The following RBM6 variants were observed in gnomAD, a reference collection of about 807,000 sequenced individuals.
The protein encoded by RBM6 is RNA-binding protein 6.
Under a neutral mutation model 140.4 loss-of-function variants are expected in RBM6, and 23 were observed. The observed-to-expected ratio is 0.16, with a 90% CI of 0.12 to 0.23. The LOEUF (loss-of-function observed/expected upper bound fraction) is 0.23, where lower values mean the gene tolerates loss of function less well. RBM6 is among the 10% of genes least tolerant of loss of function. The pLI is 1.00. For missense variants in RBM6, 1,139 were observed against 1,386.7 expected (o/e 0.82, Z 2.84); for synonymous variants, 439 against 475.6 (o/e 0.92, Z 1.00).
At chr3:50,040,905 C>T (rs2088881980) in intron 6 of RBM6, among the ~76,000 whole-genome samples, 1 of 152,090 alleles carries the variant, frequency 6.6e-6, no homozygotes, top group Admixed American at 6.6e-5. Context: ...TTGACCTCCC[C>T]AAATGCTGGG....
In RBM6 at chr3:50,009,176, G is replaced by A. The variant is rs76286335; in HGVS notation, c.1557+9663G>A. Among the ~76,000 whole-genome samples, 150 of 152,228 alleles carry A rather than the reference G, an allele frequency of 9.9e-4. 4 individuals are homozygous for A. In the East Asian group the frequency reaches 0.026, roughly 26 times the overall value. ...ATAGTGCTTTTGTTCAGGACCTCTC[G>A]GGATTTCTAGACAGACAGCAAGAGA... On this transcript the variant is annotated intron_variant, in intron 6 of 20. Transcript: ENST00000266022.
chr3:49,965,656 C>A (rs1400317285), intron 2 of RBM6, among the ~76,000 whole-genome samples: 2 of 149,548 alleles, frequency 1.3e-5, no homozygotes, highest in African/African-American at 4.9e-5. Flanking sequence ...GGCGACAGAG[C>A]GAGACTCCGT....
chr3:50,054,474 A>AT, intron 8 of RBM6, 79 bp downstream of exon 8: 1 of 1,254,980 alleles, frequency 8.0e-7, no homozygotes, highest in African/African-American at 1.5e-5. Context: ...GCTTTGAAGA[A>AT]TTATCATCCC....
In RBM6 at chr3:49,958,116, C is replaced by T. The variant is rs2084086796; in HGVS notation, c.-66-4460C>T. Among the ~76,000 whole-genome samples, 8 of 152,278 alleles carry T rather than the reference C, an allele frequency of 5.3e-5. No individual in the cohort carries two copies. The South Asian group carries it at 1.7e-3, about 32-fold the overall frequency. ...AGATCTTTATTTCTTCACATGGCTT[C>T]ACGTCTAGCTTTTAAAAATTCATTC... On this transcript the variant is annotated intron_variant, in intron 1 of 20. Coordinates refer to ENST00000266022, the MANE Select transcript of RBM6 (RefSeq NM_005777.3).
intron 4 of RBM6, among the ~76,000 whole-genome samples, chr3:49,972,852 G>C (rs1430570114): frequency 1.3e-5 from 2 of 152,184 alleles, no homozygotes; most frequent in South Asian, 4.1e-4. Context: ...GTAACTCGGA[G>C]ACAGAGTCTT....
At chr3:50,005,876 A>G (rs1485139285) in intron 6 of RBM6, among the ~76,000 whole-genome samples, 1 of 152,192 alleles carries the variant, frequency 6.6e-6, no homozygotes, top group Non-Finnish European at 1.5e-5. Context: ...AACATGGGGA[A>G]CTGCATTCTA....
intron 6 of RBM6, among the ~76,000 whole-genome samples, chr3:50,028,000 T>C (rs2087935958): frequency 1.3e-5 from 2 of 152,128 alleles, no homozygotes; most frequent in Non-Finnish European, 2.9e-5. Context: ...TGGAAGCCTT[T>C]GGATATTTGC....
intron 2 of RBM6, among the ~76,000 whole-genome samples, chr3:49,965,681 AAAG>A (rs1302657324): frequency 5.3e-5 from 8 of 151,946 alleles, no homozygotes; most frequent in East Asian, 1.9e-4. Flanking sequence ...AAAAAAAAAA[AAAG>A]AAGAACATCT....
chr3:50,063,675 C>T (rs1397392069), intron 15 of RBM6, among the ~76,000 whole-genome samples: 4 of 151,282 alleles, frequency 2.6e-5, no homozygotes, highest in East Asian at 2.0e-4. Flanking sequence ...CCAAGGCAGG[C>T]GGATTACTTT....
intron 1 of RBM6, among the ~76,000 whole-genome samples, chr3:49,941,257 A>G (rs2083269255): frequency 6.6e-6 from 1 of 152,208 alleles, no homozygotes; most frequent in African/African-American, 2.4e-5. Context: ...GGTGAAACAC[A>G]AAAGTTGAAT....
chr3:50,060,871 A>G, intron 11 of RBM6, 85 bp from the exon 12 acceptor site: 2 of 1,389,692 alleles, frequency 1.4e-6, no homozygotes, highest in Non-Finnish European at 1.9e-6. Flanking sequence ...GGAACAGAGG[A>G]TTTCTCGATA....
At chr3:49,995,372 G>A (rs1292091992) in intron 5 of RBM6, among the ~76,000 whole-genome samples, 2 of 151,960 alleles carry the variant, frequency 1.3e-5, no homozygotes, top group Non-Finnish European at 2.9e-5. Context: ...CCTGGCCAAC[G>A]TGGCGAAACT....
intron 16 of RBM6, 36 bp downstream of exon 16, chr3:50,065,162 G>C (rs1234760815): frequency 5.5e-5 from 85 of 1,533,434 alleles, no homozygotes; most frequent in Non-Finnish European, 7.6e-5. Context: ...CCTAGGGCTG[G>C]GGCTGGGGAT....
intron 17 of RBM6, 142 bp downstream of exon 17, chr3:50,066,644 A>G: frequency 9.2e-7 from 1 of 1,087,738 alleles, no homozygotes; most frequent in Non-Finnish European, 1.3e-6. Context: ...TCTGGGCAAC[A>G]TGGTGAAACC....
chr3:50,000,743 T>C (rs980486250), intron 6 of RBM6, among the ~76,000 whole-genome samples: 1 of 152,166 alleles, frequency 6.6e-6, no homozygotes, highest in Non-Finnish European at 1.5e-5. Context: ...AAAAGAAGGC[T>C]CTGCCAGAGA....
chr3:50,022,279 AT>A (rs573185524), intron 6 of RBM6, among the ~76,000 whole-genome samples: 198 of 151,404 alleles, frequency 1.3e-3, no homozygotes, highest in Middle Eastern at 7.0e-3. Flanking sequence ...ATATTTAATA[AT>A]TTTTTTAATG....
rs547897505 is a variant in RBM6, at chr3:50,008,201, A to G, written c.1557+8688A>G. On this transcript the variant is annotated intron_variant, in intron 6 of 20. Coordinates refer to ENST00000266022, the MANE Select transcript of RBM6 (RefSeq NM_005777.3). ...AAACGACTCATTTTAATTCTCTCGAATTTGAAAAATAAACATTTATCATTT... is the reference window on the plus strand; with the variant it reads ...AAACGACTCATTTTAATTCTCTCGAGTTTGAAAAATAAACATTTATCATTT... Among the ~76,000 whole-genome samples, 3 of 152,336 alleles carry G rather than the reference A, an allele frequency of 2.0e-5. No homozygotes were observed. In the East Asian group the frequency reaches 5.8e-4, roughly 29 times the overall value.
chr3:49,991,988 G>A (rs1406571834), intron 5 of RBM6, among the ~76,000 whole-genome samples: 1 of 150,984 alleles, frequency 6.6e-6, no homozygotes, highest in Non-Finnish European at 1.5e-5. Context: ...GTCTTGCTCT[G>A]TAGCCCAGGC....
At chr3:49,950,840 C>G (rs552730631) in intron 1 of RBM6, among the ~76,000 whole-genome samples, 1 of 151,158 alleles carries the variant, frequency 6.6e-6, no homozygotes, top group Admixed American at 6.6e-5. Context: ...GATATATATC[C>G]AAAATAATTG....
Sources: allele counts gnomAD v4.1 joint callset (sites outside exome capture counted in the v4.1 genomes callset), GRCh38; gene constraint gnomAD v4.1.1; transcripts MANE v1.5; gene names NCBI Gene and HGNC (gene_info 2026-07-23, HGNC 2026-07-21).